Variants in FBN3 observed in about 807,000 individuals in gnomAD.
The protein encoded by FBN3 is fibrillin-3.
Under a neutral mutation model 330.1 loss-of-function variants are expected in FBN3, and 234 were observed. That is an observed-to-expected ratio of 0.71 (90% confidence interval 0.64 to 0.79). FBN3 has a LOEUF of 0.79. Among genes scored for constraint, FBN3 ranks in the 30% least tolerant of loss-of-function variants. The pLI is 0.00. For missense variants in FBN3, 3,606 were observed against 3,886.9 expected, an observed-to-expected ratio of 0.93 and a Z score of 1.92; for synonymous variants, 1,458 against 1,517.3, an observed-to-expected ratio of 0.96 and a Z score of 0.91.
Position 8,126,016 on chromosome 19 carries a change from A to G in FBN3, c.2607T>C (p.Asp869=), listed in dbSNP as rs752660067. 2.5e-6 allele frequency: 4 copies of G among 1,613,928 alleles called. No homozygotes were observed. In the East Asian group the frequency reaches 8.9e-5, roughly 36 times the overall value. ...FARMTGVTCD[D]VNECESFPGV... is the part of the protein sequence containing the mutation. ...CCGGGAAGGACTCACACTCGTTCAC[A>G]TCTGGGTAAGGAGGAGGGAAAGCCG... Residue 869 remains aspartate (D), a splice_region_variant and synonymous_variant, in exon 22 of 64, where the codon GAT becomes GAC. Coordinates refer to ENST00000600128, the MANE Select transcript of FBN3 (RefSeq NM_032447.5).
chr19:8,142,473 C>T (rs1402757823), intron 6 of FBN3, among the ~76,000 whole-genome samples: 1 of 152,106 alleles, frequency 6.6e-6, no homozygotes, highest in African/African-American at 2.4e-5. Context: ...CAGGGACCCA[C>T]GGATGCCCAG....
chr19:8,074,858 T>C (rs554369260), intron 61 of FBN3: 59 of 542,082 alleles, frequency 1.1e-4, no homozygotes, highest in African/African-American at 1.1e-3. Flanking sequence ...CAGGCCACCA[T>C]GCCCTAAGGA....
At chr19:8,128,538 G>C (rs557408053) in intron 18 of FBN3, among the ~76,000 whole-genome samples, 1 of 151,652 alleles carries the variant, frequency 6.6e-6, no homozygotes, top group Non-Finnish European at 1.5e-5. Context: ...ACTCCAGCCT[G>C]GGTGATAGAG....
rs142411053 is a variant in FBN3 at position 8,087,143 on chromosome 19, C to T, written c.6688G>A (p.Gly2230Ser). ...ARGMECKNLI[G>S]TFACVCPPGM... is the part of the protein sequence containing the mutation. ...GGGGGACAGACGCACGCGAAGGTACCGATGAGGTTCTTGCACTCCATGCCC... is the reference window on the plus strand; with the variant it reads ...GGGGGACAGACGCACGCGAAGGTACTGATGAGGTTCTTGCACTCCATGCCC... The change falls in exon 54 of 64, where the codon GGT becomes AGT. Residue 2230 changes from glycine to serine, a missense_variant. Coordinates refer to ENST00000600128, the MANE Select transcript of FBN3 (RefSeq NM_032447.5). 2.5e-5 allele frequency: 41 copies of T among 1,610,600 alleles called. 1 individual carries two copies. The South Asian group carries it at 3.5e-4, about 14-fold the overall frequency.
At position 8,128,903 on chromosome 19, in the gene FBN3, G is replaced by A. The variant is rs186208524; in HGVS notation, c.2296+125C>T. On this transcript the variant is annotated intron_variant, in intron 18 of 63. Transcript: ENST00000600128. Reference sequence around the variant, plus strand: ...TGTGCACACTACATATAGCATGCGTGTGTGAATAGAGGTAACATGTAAGCA... The same window carrying A: ...TGTGCACACTACATATAGCATGCGTATGTGAATAGAGGTAACATGTAAGCA... The A allele has an allele frequency of 2.6e-6, 3 of 1,154,128 alleles. No homozygotes were observed. The Admixed American group carries it at 7.9e-5, about 31-fold the overall frequency. The allele number at this position is 1,154,128 out of a possible 1,614,324, so 71.5% of individuals were successfully genotyped here.
At position 8,099,495 on chromosome 19, in the gene FBN3, T is replaced by C. The variant is rs369222973; in HGVS notation, c.5161+1406A>G. Among the ~76,000 whole-genome samples the C allele has an allele frequency of 5.9e-5, 9 of 151,308 alleles. No individual in the cohort carries two copies. In the East Asian group the frequency reaches 1.2e-3, roughly 20 times the overall value. On this transcript the variant is annotated intron_variant, in intron 41 of 63. Transcript: ENST00000600128. ...CGGGGTTTCACCTTGTTAGCCAGGA[T>C]GGTCTCGATCTCCTGACCTCGTGAT...
At chr19:8,116,158 G>C (rs975095348) in intron 29 of FBN3, among the ~76,000 whole-genome samples, 3 of 152,114 alleles carry the variant, frequency 2.0e-5, no homozygotes, top group South Asian at 4.1e-4. Flanking sequence ...GTTACTTCCC[G>C]GAACTTCCAC....
chr19:8,101,469 G>C (rs1203843454), intron 40 of FBN3, among the ~76,000 whole-genome samples: 2 of 152,168 alleles, frequency 1.3e-5, no homozygotes, highest in Non-Finnish European at 2.9e-5. Flanking sequence ...ACTCTGTTCA[G>C]TCCTGCCTCC....
At chr19:8,092,737 A>G (rs914598734) in intron 47 of FBN3, among the ~76,000 whole-genome samples, 1 of 151,446 alleles carries the variant, frequency 6.6e-6, no homozygotes, top group Non-Finnish European at 1.5e-5. Context: ...AAAAAAAGGA[A>G]CAAAATAATG....
chr19:8,145,896 C>T lies in FBN3; in HGVS notation c.392G>A (p.Arg131Gln), dbSNP rs1480343659. Residue 131 changes from arginine (R) to glutamine (Q), a missense_variant, in exon 5 of 64, where the codon CGG (arginine) becomes CAG (glutamine). Transcript: ENST00000600128. ...CTTCTGACACAGACAGGACGCCCCC[C>T]GGCAGGTGCCCCCATTCATACAGCT... ...SVSCMNGGTC[R>Q]GASCLCQKGY... 24 of 1,551,178 alleles carry T rather than the reference C, an allele frequency of 1.5e-5. No homozygotes were observed. Among genetic ancestry groups the T allele is most frequent in the East Asian group, 7.3e-5 (3 of 40,928 alleles).
Position 8,097,374 on chromosome 19 carries a change from A to T in FBN3, c.5202T>A (p.Asn1734Lys). ...TCCCGATCTGGTTTATGCAGATGCC[A>T]TTGGCACAGATGGCGGGGATCTCCC... ...ECGEIPAICA[N>K]GICINQIGSF... The change falls in exon 42 of 64, where the codon AAT becomes AAA. Residue 1734 changes from asparagine to lysine, a missense_variant. By Grantham distance (94) the Asn-to-Lys change is moderately conservative (BLOSUM62 0). Transcript: ENST00000600128. The T allele has an allele frequency of 1.9e-6, 3 of 1,605,782 alleles. No individual in the cohort carries two copies. The highest frequency in any genetic ancestry group is 2.6e-6 in the Non-Finnish European group (3 of 1,173,324).
chr19:8,128,078 T>C (rs2083037375), intron 18 of FBN3, among the ~76,000 whole-genome samples: 1 of 152,164 alleles, frequency 6.6e-6, no homozygotes, highest in African/African-American at 2.4e-5. Context: ...GTGCAGGGTA[T>C]CTGGGAGGAG....
chr19:8,071,915 T>C, intron 63 of FBN3, 133 bp downstream of exon 63: 2 of 902,914 alleles, frequency 2.2e-6, no homozygotes, highest in Non-Finnish European at 3.3e-6. Context: ...CACCATGACA[T>C]GGGGAACCTG....
intron 18 of FBN3, among the ~76,000 whole-genome samples, chr19:8,128,802 C>A (rs540523406): frequency 1.4e-4 from 22 of 152,250 alleles, no homozygotes; most frequent in African/African-American, 5.3e-4. Flanking sequence ...CAGGATGTTT[C>A]TGAGCGTGTG....
chr19:8,133,715 G>A (rs959011078), intron 13 of FBN3, among the ~76,000 whole-genome samples: 1 of 151,922 alleles, frequency 6.6e-6, no homozygotes, highest in African/African-American at 2.4e-5. Context: ...TCCTCCCAAA[G>A]TGCTGGGATT....
chr19:8,147,639 C>G (rs2083583576), intron 1 of FBN3, 142 bp from the exon 2 acceptor site: 2 of 597,004 alleles, frequency 3.4e-6, no homozygotes, highest in Admixed American at 7.4e-5. Flanking sequence ...CCAGCCCCAA[C>G]CGGGAAGCGG....
chr19:8,121,229 C>A lies in FBN3; in HGVS notation c.3211+29G>T, dbSNP rs1172971217. ...CAATGCCCTCCCTGCCCAGGGCGCC[C>A]ACCACACCCCTGCCCGGCAGTCACC... On this transcript the variant is annotated intron_variant, in intron 25 of 63. Transcript: ENST00000600128. The surrounding 1 kb of genome is among the most constrained non-coding windows in gnomAD (Gnocchi z 4.5). The A allele has an allele frequency of 6.4e-7, 1 of 1,565,506 alleles. No individual in the cohort carries two copies. The highest frequency in any genetic ancestry group is 1.8e-5 in the Admixed American group (1 of 55,738).
At chr19:8,089,459 C>T in intron 51 of FBN3, 86 bp downstream of exon 51, 3 of 1,507,628 alleles carry the variant, frequency 2.0e-6, no homozygotes, top group Non-Finnish European at 2.7e-6. Context: ...TCACCCACTG[C>T]CTGGGGGTGT....
At chr19:8,094,664 G>T in intron 46 of FBN3, 99 bp from the exon 47 acceptor site, 1 of 1,407,714 alleles carries the variant, frequency 7.1e-7, no homozygotes. Flanking sequence ...GATCACTGAG[G>T]GCCCCAGGAC....
Sources: allele counts gnomAD v4.1 joint callset (sites outside exome capture counted in the v4.1 genomes callset), GRCh38; gene constraint gnomAD v4.1.1; non-coding constraint Gnocchi (gnomAD v3.1); transcripts MANE v1.5; gene names NCBI Gene and HGNC (gene_info 2026-07-23, HGNC 2026-07-21).